The following SCUBE2 variants were observed in gnomAD, a reference collection of about 807,000 sequenced individuals.
SCUBE2 encodes signal peptide, CUB and EGF-like domain-containing protein 2.
Under a neutral mutation model 125.9 loss-of-function variants are expected in SCUBE2, and 114 were observed. The observed-to-expected ratio is 0.91, with a 90% CI of 0.78 to 1.06. SCUBE2 has a LOEUF of 1.06. SCUBE2 is among the 50% of genes least tolerant of loss of function. The pLI is 0.00. For missense variants in SCUBE2, 1,255 were observed against 1,301.8 expected, an observed-to-expected ratio of 0.96 and a Z score of 0.55; for synonymous variants, 459 against 492.9, an observed-to-expected ratio of 0.93 and a Z score of 0.91.
rs1860185209 is a variant in SCUBE2 at position 9,065,969 on chromosome 11, T to G, written c.772A>C (p.Thr258Pro). ...TTGCTCTCTGTCACCTCCAGGACAG[T>G]GTCCTCTCGCTCTACAAGAGAAGCA... ...DGRSCLERED[T>P]VLEVTESNTT... The change falls in exon 7 of 23, where the codon ACT (threonine) becomes CCT (proline). Residue 258 changes from threonine to proline, a missense_variant. Thr to Pro is a conservative substitution (Grantham distance 38). This residue lies in a region of SCUBE2 where 378 missense variants were observed against 463.1 expected (regional missense o/e 0.82). Coordinates refer to ENST00000649792, the MANE Select transcript of SCUBE2 (RefSeq NM_001367977.2). 6.2e-7 allele frequency: 1 copy of G among 1,613,632 alleles called. No homozygotes were observed. Among genetic ancestry groups the G allele is most frequent in the East Asian group, 2.2e-5 (1 of 44,892 alleles).
intron 9 of SCUBE2, among the ~76,000 whole-genome samples, chr11:9,056,906 G>T (rs1341607643): frequency 6.6e-6 from 1 of 152,162 alleles, no homozygotes; most frequent in Non-Finnish European, 1.5e-5. Flanking sequence ...CAAAAATGTG[G>T]AAGGAACAGG....
chr11:9,047,603 G>C (rs774849918), intron 15 of SCUBE2, 41 bp from the exon 16 acceptor site: 1 of 1,587,412 alleles, frequency 6.3e-7, no homozygotes, highest in East Asian at 2.3e-5. Context: ...AGGAGATCAG[G>C]CTGCAGCGTG....
At chr11:9,059,451 T>A (rs1385099766) in intron 8 of SCUBE2, 26 bp from the exon 9 acceptor site, 3 of 1,608,140 alleles carry the variant, frequency 1.9e-6, no homozygotes, top group Non-Finnish European at 2.6e-6. Flanking sequence ...ATTGGGCATA[T>A]CAGAGAGCAA....
At chr11:9,048,929 G>A (rs1858071694) in intron 14 of SCUBE2, among the ~76,000 whole-genome samples, 1 of 152,146 alleles carries the variant, frequency 6.6e-6, no homozygotes, top group Admixed American at 6.5e-5. Context: ...ACAGGAAGGA[G>A]GCAGATTTAT....
intron 2 of SCUBE2, among the ~76,000 whole-genome samples, chr11:9,084,740 C>T (rs1861919526): frequency 6.6e-6 from 1 of 152,140 alleles, no homozygotes; most frequent in African/African-American, 2.4e-5. Context: ...AAGACATTCT[C>T]TTATATCAAT....
intron 13 of SCUBE2, among the ~76,000 whole-genome samples, chr11:9,051,221 T>TACCTAC (rs1566200579): frequency 1.3e-4 from 12 of 91,626 alleles, no homozygotes; most frequent in Non-Finnish European, 2.7e-4. Context: ...TATCTATCTA[T>TACCTAC]CTATCTACCT....
intron 21 of SCUBE2, among the ~76,000 whole-genome samples, chr11:9,023,267 T>A (rs1304989501): frequency 6.6e-6 from 1 of 152,230 alleles, no homozygotes; most frequent in Non-Finnish European, 1.5e-5. Context: ...AAAGTTTCTC[T>A]CAGTTAAGGG....
intron 10 of SCUBE2, among the ~76,000 whole-genome samples, chr11:9,054,140 G>A (rs535059318): frequency 6.6e-6 from 1 of 152,028 alleles, no homozygotes; most frequent in Non-Finnish European, 1.5e-5. Context: ...GGGATTACGG[G>A]CATGTGCCAA....
chr11:9,083,951 A>G (rs1271942216), intron 2 of SCUBE2, among the ~76,000 whole-genome samples: 1 of 152,228 alleles, frequency 6.6e-6, no homozygotes, highest in African/African-American at 2.4e-5. Flanking sequence ...ATACGTGTGC[A>G]TGCGTGGATG....
At chr11:9,090,385 A>G (rs934511838) in intron 1 of SCUBE2, 1 of 153,900 alleles carries the variant, frequency 6.5e-6, no homozygotes, top group Non-Finnish European at 1.5e-5. Context: ...TGTCCAACAC[A>G]GCCCGTGGGC....
At chr11:9,085,741 A>T (rs753914439) in intron 2 of SCUBE2, among the ~76,000 whole-genome samples, 30 of 152,322 alleles carry the variant, frequency 2.0e-4, no homozygotes, top group African/African-American at 7.0e-4. Flanking sequence ...TAAAAAAATT[A>T]AAAAAGAAAA....
intron 21 of SCUBE2, among the ~76,000 whole-genome samples, chr11:9,023,215 A>G (rs145540876): frequency 2.3e-3 from 357 of 152,306 alleles, no homozygotes; most frequent in Non-Finnish European, 4.1e-3. Flanking sequence ...AGCCAAACAC[A>G]TTATGAGAAC....
chr11:9,086,383 T>C (rs1862066923), intron 2 of SCUBE2, among the ~76,000 whole-genome samples: 1 of 152,196 alleles, frequency 6.6e-6, no homozygotes, highest in South Asian at 2.1e-4. Flanking sequence ...ACAACCCAAA[T>C]GATACCATAG....
intron 10 of SCUBE2, among the ~76,000 whole-genome samples, chr11:9,054,745 T>TTTTTTTTTTC (rs1350882447): frequency 2.0e-4 from 22 of 110,426 alleles, no homozygotes; most frequent in Non-Finnish European, 3.7e-4. Context: ...TTTTTTTTTT[T>TTTTTTTTTTC]TTTTTTTCAG....
In SCUBE2 at chr11:9,091,306, C is replaced by T; in HGVS notation, c.133+90G>A. 2.1e-6 allele frequency: 2 copies of T among 957,548 alleles called. No individual in the cohort carries two copies. Among genetic ancestry groups the T allele is most frequent in the Admixed American group, 4.2e-5 (1 of 24,032 alleles). 59.3% of individuals were successfully genotyped at this position (957,548 alleles called of 1,614,324 possible). ...CTGCAGCCGCCAGCCCCGAGCCCCG[C>T]GCGCCCGGCTCTGGACTCCGCCGGG... On this transcript the variant is annotated intron_variant, in intron 1 of 22. Coordinates refer to ENST00000649792, the MANE Select transcript of SCUBE2 (RefSeq NM_001367977.2). This position sits in a 1 kb window ranked among gnomAD's most constrained non-coding sequence, Gnocchi z 8.5.
At chr11:9,024,387 G>GTGTT in intron 21 of SCUBE2, 1 of 1,288,528 alleles carries the variant, frequency 7.8e-7, no homozygotes, top group South Asian at 1.2e-5. Flanking sequence ...CTTGTCTTGG[G>GTGTT]TGTTTGTTTG....
At chr11:9,066,666 A>G (rs772944281) in intron 6 of SCUBE2, 31 bp downstream of exon 6, 4 of 1,548,658 alleles carry the variant, frequency 2.6e-6, no homozygotes, top group African/African-American at 2.7e-5. Flanking sequence ...GCTGGTGCAG[A>G]CCCTCACTCA....
In SCUBE2 at chr11:9,033,698, C is replaced by A; in HGVS notation, c.2101G>T (p.Glu701Ter). ...FQNEEGQMTC[E>*]PCPRPGNSGA... The stretch of plus-strand genomic sequence containing the variant: ...GAATTTCCTGGTCTTGGGCATGGTT[C>A]ACAAGTCATTTGTCCTTCCTCATTT... The change falls in exon 17 of 23, where the codon GAA becomes TAA. Residue 701 changes from glutamate to a stop codon, truncating the protein, a stop_gained. Transcript: ENST00000649792. LOFTEE classifies it high-confidence loss of function. 6.2e-7 allele frequency: 1 copy of A among 1,614,108 alleles called. No individual in the cohort carries two copies. The highest frequency in any genetic ancestry group is 8.5e-7 in the Non-Finnish European group (1 of 1,180,016).
chr11:9,050,086 T>G (rs1212578626), intron 14 of SCUBE2: 1 of 152,484 alleles, frequency 6.6e-6, no homozygotes, highest in Non-Finnish European at 1.5e-5. Context: ...AATGTTAGAT[T>G]CTGCTCTTCT....
Sources: gnomAD v4.1 joint callset for allele counts (sites outside exome capture counted in the v4.1 genomes callset) on GRCh38, gnomAD v4.1.1 for gene constraint, gnomAD v4.1.1 regional missense constraint, Gnocchi (gnomAD v3.1) non-coding constraint, MANE v1.5 for transcripts, NCBI Gene and HGNC (gene_info 2026-07-23, HGNC 2026-07-21) for gene names.